The following MMP26 variants were observed in gnomAD, a reference collection of about 807,000 sequenced individuals.
The protein encoded by MMP26 is matrix metalloproteinase-26.
Under a neutral mutation model 31.0 loss-of-function variants are expected in MMP26, and 33 were observed. The observed-to-expected ratio is 1.06, with a 90% CI of 0.81 to 1.42. MMP26 has a LOEUF of 1.42. Ranked by LOEUF, MMP26 falls within the 40% of genes most tolerant of loss-of-function variation. The probability of loss-of-function intolerance (pLI) is 0.00; values close to 1 mark genes in which losing one functional copy is unlikely to be tolerated. For synonymous variants in MMP26, 122 were observed against 114.9 expected, an observed-to-expected ratio of 1.06 and a Z score of -0.40; for missense variants, 347 against 316.1, an observed-to-expected ratio of 1.10 and a Z score of -0.74.
intron 2 of MMP26, among the ~76,000 whole-genome samples, chr11:4,774,655 T>C (rs1848767971): frequency 1.3e-5 from 2 of 152,084 alleles, no homozygotes; most frequent in Admixed American, 1.3e-4. Context: ...TGTCAATTTT[T>C]CCTTTGTTGC....
In MMP26 at chr11:4,723,187, G is replaced by A. The variant is rs1003214335; in HGVS notation, c.-217+18142G>A. On this transcript the variant is annotated intron_variant, in intron 1 of 7. Coordinates refer to ENST00000380390, the MANE Select transcript of MMP26 (RefSeq NM_021801.5). ...CACGCTGCTCGGCATCTGCGATGGC[G>A]GCCTCCAGGGAAGCCCTCTGGCCTT... 2.4e-5 allele frequency: 38 copies of A among 1,582,014 alleles called. No individual in the cohort carries two copies. The Admixed American group carries it at 3.3e-4, about 14-fold the overall frequency.
intron 2 of MMP26, chr11:4,907,722 T>C (rs1358613119): frequency 1.2e-6 from 2 of 1,613,886 alleles, no homozygotes; most frequent in Non-Finnish European, 8.5e-7. Flanking sequence ...CTTCTAATTA[T>C]GTCTTTGGAC....
chr11:4,735,611 T>C (rs1848229502), intron 1 of MMP26, among the ~76,000 whole-genome samples: 1 of 152,198 alleles, frequency 6.6e-6, no homozygotes, highest in African/African-American at 2.4e-5. Context: ...TGAATGGTTG[T>C]TTTTTAATCT....
chr11:4,711,397 C>T (rs1369789745), intron 1 of MMP26: 1 of 152,192 alleles, frequency 6.6e-6, no homozygotes, highest in East Asian at 1.9e-4. Flanking sequence ...TATTTGATAG[C>T]TGGATATTGT....
intron 2 of MMP26, among the ~76,000 whole-genome samples, chr11:4,960,461 T>C (rs992893909): frequency 6.6e-5 from 10 of 151,770 alleles, no homozygotes; most frequent in Non-Finnish European, 1.2e-4. Flanking sequence ...TAGACAAACA[T>C]CCAGCCTCTG....
At chr11:4,754,885 A>G (rs1446490267) in intron 1 of MMP26, among the ~76,000 whole-genome samples, 1 of 151,992 alleles carries the variant, frequency 6.6e-6, no homozygotes, top group Non-Finnish European at 1.5e-5. Flanking sequence ...AAGCTCAAAC[A>G]CAATATGATT....
intron 2 of MMP26, chr11:4,821,263 G>A: frequency 1.3e-6 from 1 of 768,460 alleles, no homozygotes; most frequent in East Asian, 2.5e-5. Context: ...AGAGAAATGT[G>A]TAGCTCTGGG....
chr11:4,901,763 C>T (rs571890157), intron 2 of MMP26, among the ~76,000 whole-genome samples: 1 of 152,168 alleles, frequency 6.6e-6, no homozygotes, highest in Admixed American at 6.5e-5. Context: ...CCTTTCCCAC[C>T]TAAAGAGCAC....
At chr11:4,882,144 C>T (rs1028382556) in intron 2 of MMP26, 15 of 1,613,982 alleles carry the variant, frequency 9.3e-6, no homozygotes, top group Non-Finnish European at 1.3e-5. Context: ...ACCCTTCCCA[C>T]TGTGCTTGGT....
chr11:4,707,265 C>T (rs989695792), intron 1 of MMP26, among the ~76,000 whole-genome samples: 6 of 152,140 alleles, frequency 3.9e-5, no homozygotes, highest in African/African-American at 1.4e-4. Context: ...GATTTTGATT[C>T]ACATTTATGT....
chr11:4,823,170 T>C (rs1214169196), intron 2 of MMP26, among the ~76,000 whole-genome samples: 2 of 152,170 alleles, frequency 1.3e-5, no homozygotes, highest in African/African-American at 4.8e-5. Context: ...AGATACTTTA[T>C]AGCTGGTTGT....
At chr11:4,800,487 T>C (rs1326539227) in intron 2 of MMP26, among the ~76,000 whole-genome samples, 2 of 152,196 alleles carry the variant, frequency 1.3e-5, no homozygotes, top group Non-Finnish European at 2.9e-5. Context: ...ACCATTTTTT[T>C]CTTCCTGGGC....
intron 2 of MMP26, among the ~76,000 whole-genome samples, chr11:4,909,869 GC>G (rs1399693240): frequency 6.6e-6 from 1 of 152,034 alleles, no homozygotes; most frequent in African/African-American, 2.4e-5. Flanking sequence ...TTTCTCTACT[GC>G]ATTCTTTGTC....
intron 2 of MMP26, chr11:4,787,212 A>C (rs896354507): frequency 3.3e-5 from 5 of 152,290 alleles, no homozygotes; most frequent in African/African-American, 1.2e-4. Context: ...TAGTCCTAAG[A>C]ACATTGATCA....
chr11:4,951,682 C>T (rs1253028651), intron 2 of MMP26, among the ~76,000 whole-genome samples: 1 of 123,854 alleles, frequency 8.1e-6, no homozygotes, highest in African/African-American at 2.7e-5. Flanking sequence ...GGTTGTGGCA[C>T]AGAGATTGGC....
At chr11:4,916,295 T>G (rs902276032) in intron 2 of MMP26, among the ~76,000 whole-genome samples, 2 of 152,112 alleles carry the variant, frequency 1.3e-5, no homozygotes, top group African/African-American at 2.4e-5. Flanking sequence ...CTCCTTGTGT[T>G]GTAGTCCTTG....
At chr11:4,940,042 T>C (rs926125782) in intron 2 of MMP26, among the ~76,000 whole-genome samples, 6 of 151,888 alleles carry the variant, frequency 4.0e-5, no homozygotes, top group African/African-American at 9.7e-5. Context: ...AATTAAAATA[T>C]ATAGGACAAA....
At chr11:4,932,996 A>G (rs1455254447) in intron 2 of MMP26, among the ~76,000 whole-genome samples, 2 of 152,182 alleles carry the variant, frequency 1.3e-5, no homozygotes, top group Non-Finnish European at 2.9e-5. Flanking sequence ...AAAACAAACA[A>G]TGACATGAAT....
At position 4,780,758 on chromosome 11, in the gene MMP26, G is replaced by A. The variant is rs76246302; in HGVS notation, c.-145+13417G>A. On this transcript the variant is annotated intron_variant, in intron 2 of 7. Transcript: ENST00000380390. ...ACATATTTTTTTGCAAAGTACTGAA[G>A]TACATATTTCTCCATAGTAGTATAA... 4.7e-4 allele frequency among the ~76,000 whole-genome samples: 71 copies of A among 151,908 alleles called. 1 individual carries two copies. In the East Asian group the frequency reaches 0.011, roughly 23 times the overall value.
Sources: gnomAD v4.1 joint callset for allele counts (sites outside exome capture counted in the v4.1 genomes callset) on GRCh38, gnomAD v4.1.1 for gene constraint, MANE v1.5 for transcripts, NCBI Gene and HGNC (gene_info 2026-07-23, HGNC 2026-07-21) for gene names.